WDR64: variants seen among roughly 807,000 people sequenced by gnomAD.
WDR64 encodes the protein WD repeat domain 64, also known as WD repeat-containing protein 64.
Under a neutral mutation model 139.3 loss-of-function variants are expected in WDR64, and 112 were observed. The observed-to-expected ratio is 0.80, with a 90% CI of 0.69 to 0.94. The LOEUF (loss-of-function observed/expected upper bound fraction) is 0.94, where lower values mean the gene tolerates loss of function less well. Ranked by LOEUF, WDR64 falls within the 40% of genes least tolerant of loss-of-function variation. The pLI is 0.00. For missense variants in WDR64, 1,206 were observed against 1,293.1 expected (o/e 0.93, Z 1.03); for synonymous variants, 444 against 437.7 (o/e 1.01, Z -0.18).
intron 4 of WDR64, chr1:241,675,977 AAAAATCCTAATG>A (rs2148089210): frequency 6.6e-6 from 1 of 152,366 alleles, no homozygotes; most frequent in Non-Finnish European, 1.5e-5. Flanking sequence ...TAATTATTTT[AAAAATCCTAATG>A]ATTAGTTCAT....
intron 24 of WDR64, among the ~76,000 whole-genome samples, chr1:241,788,837 T>C (rs1292353175): frequency 6.6e-6 from 1 of 152,124 alleles, no homozygotes; most frequent in Non-Finnish European, 1.5e-5. Flanking sequence ...AGAGGCTGGC[T>C]GAGATGGAAG....
At chr1:241,766,965 A>G (rs562284611) in intron 16 of WDR64, among the ~76,000 whole-genome samples, 1 of 152,272 alleles carries the variant, frequency 6.6e-6, no homozygotes, top group East Asian at 1.9e-4. Flanking sequence ...AATACATAAC[A>G]ACTTCAAACT....
intron 9 of WDR64, among the ~76,000 whole-genome samples, chr1:241,718,739 A>G (rs1440118439): frequency 1.3e-5 from 2 of 152,200 alleles, no homozygotes; most frequent in Non-Finnish European, 2.9e-5. Context: ...CTAGAAGTGC[A>G]GGATCAAGGT....
At chr1:241,676,448 C>CTT (rs1261960003) in intron 4 of WDR64, 2 of 152,114 alleles carry the variant, frequency 1.3e-5, no homozygotes, top group Admixed American at 6.6e-5. Flanking sequence ...CCTTCTTGAT[C>CTT]TTTTTCTCTT....
chr1:241,760,759 A>ATTTTTTTTTTTTTTTTTTTTTTTTTT (rs71174847), intron 15 of WDR64, among the ~76,000 whole-genome samples: 2 of 87,058 alleles, frequency 2.3e-5, no homozygotes, highest in Non-Finnish European at 4.2e-5. Context: ...GTGGGTTTCC[A>ATTTTTTTTTTTTTTTTTTTTTTTTTT]TTTTTTTTTT....
At chr1:241,655,033 A>C (rs1665524550) in intron 1 of WDR64, among the ~76,000 whole-genome samples, 1 of 152,204 alleles carries the variant, frequency 6.6e-6, no homozygotes, top group Admixed American at 6.5e-5. Context: ...CAAACTCTGT[A>C]ACCTTTCACT....
chr1:241,663,601 C>A (rs948302022), intron 2 of WDR64, among the ~76,000 whole-genome samples: 4 of 152,230 alleles, frequency 2.6e-5, no homozygotes, highest in African/African-American at 4.8e-5. Context: ...TTATGGACCC[C>A]TGGTAGACGA....
chr1:241,683,022 A>G (rs1666869794), intron 6 of WDR64, among the ~76,000 whole-genome samples: 1 of 152,226 alleles, frequency 6.6e-6, no homozygotes, highest in Admixed American at 6.5e-5. Flanking sequence ...AGTACAAAAT[A>G]AGCTTGACAA....
intron 8 of WDR64, among the ~76,000 whole-genome samples, chr1:241,690,093 A>C (rs1667156998): frequency 6.6e-6 from 1 of 152,188 alleles, no homozygotes; most frequent in Non-Finnish European, 1.5e-5. Flanking sequence ...CAGATCCAGT[A>C]ATATCAGAAA....
chr1:241,684,695 C>T (rs1213980260), intron 7 of WDR64, among the ~76,000 whole-genome samples: 2 of 152,194 alleles, frequency 1.3e-5, no homozygotes, highest in Non-Finnish European at 2.9e-5. Flanking sequence ...ACCATTAATA[C>T]ATTGGGACTT....
chr1:241,653,904 C>T (rs139371685), intron 1 of WDR64, among the ~76,000 whole-genome samples: 382 of 152,242 alleles, frequency 2.5e-3, no homozygotes, highest in African/African-American at 8.6e-3. Flanking sequence ...TATGCTTTTT[C>T]GGTGATTGGG....
At chr1:241,695,469 T>C (rs914772424) in intron 8 of WDR64, among the ~76,000 whole-genome samples, 2 of 152,176 alleles carry the variant, frequency 1.3e-5, no homozygotes, top group African/African-American at 4.8e-5. Context: ...ATTACACATT[T>C]ACCAGCACAT....
intron 7 of WDR64, among the ~76,000 whole-genome samples, chr1:241,684,749 C>T (rs182980828): frequency 2.0e-5 from 3 of 152,166 alleles, no homozygotes; most frequent in East Asian, 1.9e-4. Context: ...ATCACAGCTT[C>T]GCCTTGCCTT....
At chr1:241,759,134 C>T (rs1381739875) in intron 15 of WDR64, among the ~76,000 whole-genome samples, 3 of 151,930 alleles carry the variant, frequency 2.0e-5, no homozygotes, top group African/African-American at 7.3e-5. Flanking sequence ...TATGTGCTAT[C>T]ATTGTACATT....
At chr1:241,778,748 CA>C (rs1293957837) in intron 21 of WDR64, among the ~76,000 whole-genome samples, 3 of 152,076 alleles carry the variant, frequency 2.0e-5, no homozygotes, top group Non-Finnish European at 4.4e-5. Context: ...TGCCTATTTT[CA>C]AGTAATATTA....
intron 12 of WDR64, among the ~76,000 whole-genome samples, chr1:241,743,065 C>CAGGA (rs916481898): frequency 1.3e-5 from 2 of 152,200 alleles, no homozygotes; most frequent in African/African-American, 4.8e-5. Flanking sequence ...AAGTGAGAAT[C>CAGGA]TCCTGAGTTC....
At chr1:241,772,099 GAATATTA>G (rs1658476889) in intron 19 of WDR64, among the ~76,000 whole-genome samples, 1 of 148,532 alleles carries the variant, frequency 6.7e-6, no homozygotes, top group Non-Finnish European at 1.5e-5. Flanking sequence ...TAAGAATCCA[GAATATTA>G]CTGAACTTCT....
chr1:241,705,209 C>T (rs957139846), intron 8 of WDR64, among the ~76,000 whole-genome samples: 5 of 152,186 alleles, frequency 3.3e-5, no homozygotes, highest in African/African-American at 1.2e-4. Context: ...ATGACCACTA[C>T]TCGCTTCCTC....
At chr1:241,655,930 T>G (rs1228135818) in intron 1 of WDR64, among the ~76,000 whole-genome samples, 2 of 152,134 alleles carry the variant, frequency 1.3e-5, no homozygotes, top group Admixed American at 1.3e-4. Flanking sequence ...CATTGGCCTG[T>G]GGTTGTTTTG....
Sources: gnomAD v4.1 joint callset for allele counts (sites outside exome capture counted in the v4.1 genomes callset) on GRCh38, gnomAD v4.1.1 for gene constraint, MANE v1.5 for transcripts, NCBI Gene and HGNC (gene_info 2026-07-23, HGNC 2026-07-21) for gene names.